Variants in COMMD7 observed in about 807,000 individuals in gnomAD.
COMMD7 encodes the protein COMM domain-containing protein 7.
In COMMD7, 28 loss-of-function variants were observed where a neutral mutation model predicts 34.8. The observed-to-expected ratio is 0.80, with a 90% CI of 0.60 to 1.10. The LOEUF is 1.10. Ranked by LOEUF, COMMD7 falls within the 50% of genes least tolerant of loss-of-function variation. The pLI, the probability that COMMD7 is intolerant of heterozygous loss-of-function variation, is 0.00. For missense variants in COMMD7, 211 were observed against 241.6 expected, an observed-to-expected ratio of 0.87 and a Z score of 0.84; for synonymous variants, 80 against 86.4, an observed-to-expected ratio of 0.93 and a Z score of 0.41.
intron 3 of COMMD7, among the ~76,000 whole-genome samples, chr20:32,711,588 G>A (rs1984449803): frequency 6.6e-6 from 1 of 152,126 alleles, no homozygotes; most frequent in Non-Finnish European, 1.5e-5. Context: ...GACAGTTGCT[G>A]ACAATGAAGT....
At chr20:32,704,161 A>G in intron 7 of COMMD7, 90 bp from the exon 8 acceptor site, 3 of 1,098,690 alleles carry the variant, frequency 2.7e-6, no homozygotes, top group Non-Finnish European at 3.9e-6. Flanking sequence ...TAAGCTTCCA[A>G]CCTGAGAGTC....
chr20:32,703,814 G>A (rs757064983), intron 8 of COMMD7: 15 of 1,527,348 alleles, frequency 9.8e-6, no homozygotes, highest in Non-Finnish European at 1.1e-5. Flanking sequence ...TTTTCAAAAC[G>A]GCTCTTCAAC....
At chr20:32,735,592 C>T (rs967354876) in intron 1 of COMMD7, among the ~76,000 whole-genome samples, 6 of 152,174 alleles carry the variant, frequency 3.9e-5, no homozygotes, top group African/African-American at 1.4e-4. Flanking sequence ...GGTTGGATTA[C>T]AGGCGTGAGC....
intron 1 of COMMD7, among the ~76,000 whole-genome samples, chr20:32,733,155 C>T (rs1435499660): frequency 6.6e-6 from 1 of 151,716 alleles, no homozygotes; most frequent in African/African-American, 2.4e-5. Flanking sequence ...GCGGAGGCTA[C>T]AGCAAGCTGA....
In COMMD7 at chr20:32,702,876, G is replaced by A. The variant is rs1465031820; in HGVS notation, c.*506C>T. The A allele has an allele frequency of 6.5e-6, 1 of 152,826 alleles. No individual in the cohort carries two copies. Among genetic ancestry groups the A allele is most frequent in the Non-Finnish European group, 1.5e-5 (1 of 68,534 alleles). 9.5% of individuals were successfully genotyped at this position (152,826 alleles called of 1,614,324 possible). On this transcript the variant is annotated 3_prime_UTR_variant, in exon 9 of 9. Transcript: ENST00000278980. Reference sequence around the variant, plus strand: ...AGACCAAGCATGTATTTACACACAGGTGCCTCATTAAGAACTGATTGGCAA... The same window carrying A: ...AGACCAAGCATGTATTTACACACAGATGCCTCATTAAGAACTGATTGGCAA...
intron 1 of COMMD7, among the ~76,000 whole-genome samples, chr20:32,731,425 G>C (rs1601000333): frequency 6.6e-6 from 1 of 152,200 alleles, no homozygotes; most frequent in South Asian, 2.1e-4. Flanking sequence ...GAGCCCAGGA[G>C]CTTGAGGCTG....
chr20:32,705,358 G>GTATATATATATATA (rs559340881), intron 5 of COMMD7, among the ~76,000 whole-genome samples: 2 of 138,582 alleles, frequency 1.4e-5, no homozygotes, highest in African/African-American at 2.8e-5. Context: ...ATGTGTGTGT[G>GTATATATATATATA]TATATATATA....
rs538199306 is a variant in COMMD7, at chr20:32,727,096, T to C, written c.241+797A>G. Among the ~76,000 whole-genome samples the C allele has an allele frequency of 2.2e-5, 3 of 134,224 alleles. No homozygotes were observed. The Admixed American group carries it at 2.3e-4, about 10-fold the overall frequency. The allele number at this position is 134,224 out of a possible 152,430, so 88.1% of individuals were successfully genotyped here. A position where few individuals can be genotyped will look rare whatever the true frequency, so the allele number is the denominator to read the frequency against. On this transcript the variant is annotated intron_variant, in intron 3 of 8. Coordinates refer to ENST00000278980, the MANE Select transcript of COMMD7 (RefSeq NM_053041.3). Reference sequence around the variant, plus strand: ...AAAAAACATTAGCCAGGCAGGGTGGTGCACACCTGTGGTCCCAGCTACTTG... The same window carrying C: ...AAAAAACATTAGCCAGGCAGGGTGGCGCACACCTGTGGTCCCAGCTACTTG...
chr20:32,726,759 G>GA lies in COMMD7; in HGVS notation c.241+1133dup, dbSNP rs1985532845. Among the ~76,000 whole-genome samples, 3 of 152,024 alleles carry GA rather than the reference G, an allele frequency of 2.0e-5. No homozygotes were observed. The South Asian group carries it at 6.2e-4, about 32-fold the overall frequency. Reference sequence around the variant, plus strand: ...ATTCTTATCAAGTCATGACAGCAAAGAAGGCAAGAATCACAAAAACACGAG... The same window carrying GA: ...ATTCTTATCAAGTCATGACAGCAAAGAAAGGCAAGAATCACAAAAACACGAG... On this transcript the variant is annotated intron_variant, in intron 3 of 8. Transcript: ENST00000278980.
At position 32,703,405 on chromosome 20, in the gene COMMD7, T is replaced by A; in HGVS notation, c.580A>T (p.Thr194Ser). 6.2e-7 allele frequency: 1 copy of A among 1,613,978 alleles called. No individual in the cohort carries two copies. The highest frequency in any genetic ancestry group is 8.5e-7 in the Non-Finnish European group (1 of 1,179,996). ...SFLHEMERVR[T>S]SMECFC ...AATCAGCAGAAACACTCCATGCTGG[T>A]TCTGACTCGCTCCATCTCGTGCAGG... Residue 194 changes from threonine to serine, a missense_variant, in exon 9 of 9, where the codon ACC becomes TCC. By Grantham distance (58) the Thr-to-Ser change is moderately conservative. Coordinates refer to ENST00000278980, the MANE Select transcript of COMMD7 (RefSeq NM_053041.3).
At chr20:32,720,381 G>C (rs1985078699) in intron 3 of COMMD7, among the ~76,000 whole-genome samples, 1 of 152,126 alleles carries the variant, frequency 6.6e-6, no homozygotes, top group African/African-American at 2.4e-5. Flanking sequence ...TGTAATCCCA[G>C]CTACTCGGGA....
chr20:32,715,755 T>C lies in COMMD7; in HGVS notation c.242-8995A>G, dbSNP rs564274671. 2.6e-5 allele frequency among the ~76,000 whole-genome samples: 4 copies of C among 152,180 alleles called. No homozygotes were observed. In the South Asian group the frequency reaches 8.3e-4, roughly 32 times the overall value. On this transcript the variant is annotated intron_variant, in intron 3 of 8. Transcript: ENST00000278980. ...TCAGGTAGACAAGGCTGCAGTGAAC[T>C]GTGATCATGCCACTGAACTCCAACC...
chr20:32,703,683 C>G, intron 8 of COMMD7: 1 of 1,436,302 alleles, frequency 7.0e-7, no homozygotes, highest in Non-Finnish European at 9.1e-7. Flanking sequence ...TGGCACAGCT[C>G]CATGGCACAA....
intron 1 of COMMD7, among the ~76,000 whole-genome samples, chr20:32,731,834 C>A (rs1326480408): frequency 2.0e-5 from 3 of 152,224 alleles, no homozygotes; most frequent in Non-Finnish European, 2.9e-5. Context: ...GCTATCTATG[C>A]ATGCATCTCA....
chr20:32,743,255 C>T, intron 1 of COMMD7, 53 bp downstream of exon 1: 1 of 1,285,650 alleles, frequency 7.8e-7, no homozygotes, highest in East Asian at 2.8e-5. Flanking sequence ...ACCCCAGGCC[C>T]GGATCCTGGA....
At chr20:32,705,646 T>C (rs1275813409) in intron 5 of COMMD7, among the ~76,000 whole-genome samples, 1 of 152,140 alleles carries the variant, frequency 6.6e-6, no homozygotes, top group Non-Finnish European at 1.5e-5. Context: ...GTGTTGGGAT[T>C]ACAGGCGTGA....
intron 3 of COMMD7, among the ~76,000 whole-genome samples, chr20:32,716,473 G>T (rs1178506551): frequency 6.6e-6 from 1 of 152,122 alleles, no homozygotes; most frequent in African/African-American, 2.4e-5. Context: ...AAATTAGCCA[G>T]GCGTGGTGGC....
At chr20:32,704,549 G>T in intron 6 of COMMD7, 60 bp from the exon 7 acceptor site, 1 of 1,560,562 alleles carries the variant, frequency 6.4e-7, no homozygotes, top group South Asian at 1.2e-5. Context: ...ACTGATTGAG[G>T]ACTGACCCTG....
chr20:32,739,447 CA>C (rs1242908972), intron 1 of COMMD7, among the ~76,000 whole-genome samples: 6 of 151,716 alleles, frequency 4.0e-5, no homozygotes, highest in African/African-American at 1.5e-4. Flanking sequence ...AGATAAAGAC[CA>C]TCCTCACTAA....
Sources: gnomAD v4.1 joint callset for allele counts (sites outside exome capture counted in the v4.1 genomes callset) on GRCh38, gnomAD v4.1.1 for gene constraint, MANE v1.5 for transcripts, NCBI Gene and HGNC (gene_info 2026-07-23, HGNC 2026-07-21) for gene names.